The following OSBPL3 variants were observed in gnomAD, a reference collection of about 807,000 sequenced individuals.
OSBPL3 encodes oxysterol-binding protein-related protein 3.
In OSBPL3, 65 loss-of-function variants were observed where a neutral mutation model predicts 120.1. The observed-to-expected ratio is 0.54, with a 90% CI of 0.44 to 0.67. OSBPL3 has a LOEUF of 0.67. Among genes scored for constraint, OSBPL3 ranks in the 30% least tolerant of loss-of-function variants. The pLI, the probability that OSBPL3 is intolerant of heterozygous loss-of-function variation, is 0.00. For missense variants in OSBPL3, 1,004 were observed against 1,082.1 expected, an observed-to-expected ratio of 0.93 and a Z score of 1.01; for synonymous variants, 416 against 402.6, an observed-to-expected ratio of 1.03 and a Z score of -0.40.
At chr7:24,828,686 A>T (rs1439423396) in intron 16 of OSBPL3, among the ~76,000 whole-genome samples, 2 of 151,368 alleles carry the variant, frequency 1.3e-5, no homozygotes, top group Admixed American at 1.3e-4. Context: ...CATTTACTGA[A>T]TATTTCCATC....
chr7:24,944,307 G>C lies in OSBPL3; in HGVS notation c.-150+35579C>G, dbSNP rs192580019. 5.6e-3 allele frequency among the ~76,000 whole-genome samples: 845 copies of C among 152,232 alleles called. 7 individuals are homozygous for C. Among genetic ancestry groups the C allele is most frequent in the Non-Finnish European group, 7.2e-3 (487 of 68,004 alleles). On this transcript the variant is annotated intron_variant, in intron 1 of 22. Coordinates refer to ENST00000313367, the MANE Select transcript of OSBPL3 (RefSeq NM_015550.4). ...TGATCATTACTGGGACTAAGTTGGT[G>C]ATGTTAAGAAGAAACTCCAAGTGTT...
chr7:24,866,648 T>A (rs561797048), intron 5 of OSBPL3, among the ~76,000 whole-genome samples: 3 of 150,918 alleles, frequency 2.0e-5, no homozygotes, highest in South Asian at 4.2e-4. Context: ...CAAAAAAAAA[T>A]ACATAAATAA....
At chr7:24,915,362 T>A (rs1809393765) in intron 1 of OSBPL3, among the ~76,000 whole-genome samples, 1 of 152,180 alleles carries the variant, frequency 6.6e-6, no homozygotes, top group Non-Finnish European at 1.5e-5. Context: ...AATTCCCCCA[T>A]GGAAGGTGGG....
In OSBPL3 at chr7:24,912,014, G is replaced by A. The variant is rs1808892327; in HGVS notation, c.-149-19393C>T. ...CTCCAGTAGAGTGTATAGATCAAAA[G>A]CAATTTGAAGACTGTCTCATCCTTG... On this transcript the variant is annotated intron_variant, in intron 1 of 22. Transcript: ENST00000313367. This position sits in a 1 kb window ranked among gnomAD's most constrained non-coding sequence, Gnocchi z 4.5. Among the ~76,000 whole-genome samples the A allele has an allele frequency of 1.3e-5, 2 of 152,174 alleles. No individual in the cohort carries two copies. The highest frequency in any genetic ancestry group is 4.2e-4 in the South Asian group (2 of 4,816).
rs1314792228 is a variant in OSBPL3 at position 24,879,323 on chromosome 7, GA to G, written c.97-7255del. ...TTGGGATCTAAGTGAGAAGATTAAA[GA>G]AAACAGGAGACTGAGCAATGAAGCT... On this transcript the variant is annotated intron_variant, in intron 2 of 22. Transcript: ENST00000313367. The surrounding 1 kb of genome is among the most constrained non-coding windows in gnomAD (Gnocchi z 5.6). 6.6e-6 allele frequency among the ~76,000 whole-genome samples: 1 copy of G among 152,216 alleles called. No individual in the cohort carries two copies. The highest frequency in any genetic ancestry group is 1.5e-5 in the Non-Finnish European group (1 of 68,040).
chr7:24,954,039 C>T (rs1353505618), intron 1 of OSBPL3, among the ~76,000 whole-genome samples: 4 of 152,166 alleles, frequency 2.6e-5, no homozygotes, highest in Admixed American at 1.3e-4. Context: ...TGAAGCTCTT[C>T]ATCCAAGACC....
Position 24,873,586 on chromosome 7 carries a change from T to C in OSBPL3, c.97-1517A>G, listed in dbSNP as rs373731853. Among the ~76,000 whole-genome samples, 12 of 152,158 alleles carry C rather than the reference T, an allele frequency of 7.9e-5. No individual in the cohort carries two copies. The East Asian group carries it at 2.1e-3, about 27-fold the overall frequency. On this transcript the variant is annotated intron_variant, in intron 2 of 22. Coordinates refer to ENST00000313367, the MANE Select transcript of OSBPL3 (RefSeq NM_015550.4). This position sits in a 1 kb window ranked among gnomAD's most constrained non-coding sequence, Gnocchi z 4.1. Reference sequence around the variant, plus strand: ...TCGAAAAAAGATCCAGCTTTTAAATTAGAGGATTTTTTTTTTAAGGAAGGT... The same window carrying C: ...TCGAAAAAAGATCCAGCTTTTAAATCAGAGGATTTTTTTTTTAAGGAAGGT...
chr7:24,835,857 G>A lies in OSBPL3; in HGVS notation c.1496-1121C>T, dbSNP rs915740160. On this transcript the variant is annotated intron_variant, in intron 14 of 22. Transcript: ENST00000313367. This position sits in a 1 kb window ranked among gnomAD's most constrained non-coding sequence, Gnocchi z 4.8. ...TCTCACTTGTAAAGGGGTACTAAAC[G>A]TTAGTTCACATGAACATAAAGAAGG... 5.0e-4 allele frequency among the ~76,000 whole-genome samples: 76 copies of A among 152,182 alleles called. No homozygotes were observed. Among genetic ancestry groups the A allele is most frequent in the African/African-American group, 1.6e-3 (68 of 41,518 alleles).
At chr7:24,935,924 G>C (rs972321550) in intron 1 of OSBPL3, among the ~76,000 whole-genome samples, 1 of 151,816 alleles carries the variant, frequency 6.6e-6, no homozygotes, top group African/African-American at 2.4e-5. Context: ...GGGTACATGT[G>C]CACAATGTGC....
intron 2 of OSBPL3, among the ~76,000 whole-genome samples, chr7:24,878,245 C>T (rs1803116831): frequency 6.6e-6 from 1 of 152,186 alleles, no homozygotes; most frequent in South Asian, 2.1e-4. Context: ...ACTACCCTTG[C>T]AGTGATGTCA....
At chr7:24,858,091 G>T (rs1423578422) in intron 10 of OSBPL3, among the ~76,000 whole-genome samples, 3 of 152,118 alleles carry the variant, frequency 2.0e-5, no homozygotes, top group Non-Finnish European at 4.4e-5. Flanking sequence ...CCAACAACTG[G>T]TTCAACAATA....
At position 24,946,753 on chromosome 7, in the gene OSBPL3, C is replaced by G. The variant is rs1344088635; in HGVS notation, c.-150+33133G>C. On this transcript the variant is annotated intron_variant, in intron 1 of 22. Transcript: ENST00000313367. The surrounding 1 kb of genome is among the most constrained non-coding windows in gnomAD (Gnocchi z 4.3). ...GGCAAACATTTCTCCCTCCTCTGCTCACATCATTTTTTATCATATGCTTTG... is the reference window on the plus strand; with the variant it reads ...GGCAAACATTTCTCCCTCCTCTGCTGACATCATTTTTTATCATATGCTTTG... Among the ~76,000 whole-genome samples, 1 of 152,136 alleles carries G rather than the reference C, an allele frequency of 6.6e-6. No homozygotes were observed. Among genetic ancestry groups the G allele is most frequent in the African/African-American group, 2.4e-5 (1 of 41,422 alleles).
rs1307911347 is a variant in OSBPL3, at chr7:24,851,758, T to C, written c.1158+746A>G. On this transcript the variant is annotated intron_variant, in intron 11 of 22. Transcript: ENST00000313367. This position sits in a 1 kb window ranked among gnomAD's most constrained non-coding sequence, Gnocchi z 4.1. ...TAAAAAAAAAAAAACGAGATAACTT[T>C]ATTCAAATAGAGGTAGGACATGGCA... Among the ~76,000 whole-genome samples the C allele has an allele frequency of 1.3e-5, 2 of 152,206 alleles. No individual in the cohort carries two copies. Among genetic ancestry groups the C allele is most frequent in the African/African-American group, 4.8e-5 (2 of 41,454 alleles).
chr7:24,804,002 T>A lies in OSBPL3; in HGVS notation c.2567+313A>T, dbSNP rs10227466. On this transcript the variant is annotated intron_variant, in intron 22 of 22. Transcript: ENST00000313367. This position sits in a 1 kb window ranked among gnomAD's most constrained non-coding sequence, Gnocchi z 5.4. ...CTGTGGATTTAATAAGCTGGCCTGGTGCTGGGACCCAGTTCTGGCAGGCTC... is the reference window on the plus strand; with the variant it reads ...CTGTGGATTTAATAAGCTGGCCTGGAGCTGGGACCCAGTTCTGGCAGGCTC... Among the ~76,000 whole-genome samples, 2 of 151,888 alleles carry A rather than the reference T, an allele frequency of 1.3e-5. No individual in the cohort carries two copies. Among genetic ancestry groups the A allele is most frequent in the South Asian group, 4.2e-4 (2 of 4,808 alleles).
At position 24,863,633 on chromosome 7, in the gene OSBPL3, T is replaced by A; in HGVS notation, c.674-34A>T. The A allele has an allele frequency of 1.5e-6, 2 of 1,341,994 alleles. No homozygotes were observed. Among genetic ancestry groups the A allele is most frequent in the Non-Finnish European group, 2.1e-6 (2 of 932,070 alleles). The allele number at this position is 1,341,994 out of a possible 1,614,324, so 83.1% of individuals were successfully genotyped here. A position where few individuals can be genotyped will look rare whatever the true frequency, so the allele number is the denominator to read the frequency against. The stretch of plus-strand genomic sequence containing the variant: ...GAAAAGAGGACAGTGCTCACAATGC[T>A]CCACTAGCAAGAGGGATCACTGTGC... On this transcript the variant is annotated intron_variant, in intron 7 of 22. Coordinates refer to ENST00000313367, the MANE Select transcript of OSBPL3 (RefSeq NM_015550.4). The surrounding 1 kb of genome is among the most constrained non-coding windows in gnomAD (Gnocchi z 5.8).
intron 1 of OSBPL3, among the ~76,000 whole-genome samples, chr7:24,945,085 A>T (rs1320447340): frequency 6.6e-6 from 1 of 152,224 alleles, no homozygotes; most frequent in Non-Finnish European, 1.5e-5. Flanking sequence ...GGTGGAGTTT[A>T]CCACCTATAT....
intron 2 of OSBPL3, among the ~76,000 whole-genome samples, chr7:24,874,018 G>C (rs1433994264): frequency 6.6e-6 from 1 of 152,132 alleles, no homozygotes; most frequent in African/African-American, 2.4e-5. Flanking sequence ...GGGTATAAAG[G>C]GTCCGGAGTA....
chr7:24,871,784 A>G lies in OSBPL3; in HGVS notation c.225T>C (p.Tyr75=), dbSNP rs774914420. 3.1e-6 allele frequency: 5 copies of G among 1,612,562 alleles called. No individual in the cohort carries two copies. The highest frequency in any genetic ancestry group is 4.2e-6 in the Non-Finnish European group (5 of 1,178,654). The change falls in exon 4 of 23, where the codon TAT becomes TAC. Residue 75 remains tyrosine, a synonymous_variant. Transcript: ENST00000313367. The surrounding 1 kb of genome is among the most constrained non-coding windows in gnomAD (Gnocchi z 4.8). ...PLKGWHKRFF[Y]LDKGILKYAK... is the part of the protein sequence containing the mutation. ...CATATTTCAAGATTCCTTTGTCCAGATAGAAGAATCTCTGTGGGGAAGAAA... is the reference window on the plus strand; with the variant it reads ...CATATTTCAAGATTCCTTTGTCCAGGTAGAAGAATCTCTGTGGGGAAGAAA...
At position 24,896,910 on chromosome 7, in the gene OSBPL3, A is replaced by G. The variant is rs1272913924; in HGVS notation, c.-149-4289T>C. Among the ~76,000 whole-genome samples the G allele has an allele frequency of 6.6e-6, 1 of 152,122 alleles. No individual in the cohort carries two copies. Among genetic ancestry groups the G allele is most frequent in the African/African-American group, 2.4e-5 (1 of 41,408 alleles). On this transcript the variant is annotated intron_variant, in intron 1 of 22. Transcript: ENST00000313367. The surrounding 1 kb of genome is among the most constrained non-coding windows in gnomAD (Gnocchi z 4.4). Reference sequence around the variant, plus strand: ...AACATGGTAAAACCCCATCTCTACTAAAAATACCAAAATTAGCCGAGCATG... The same window carrying G: ...AACATGGTAAAACCCCATCTCTACTGAAAATACCAAAATTAGCCGAGCATG...
Sources: gnomAD v4.1 joint callset for allele counts (sites outside exome capture counted in the v4.1 genomes callset) on GRCh38, gnomAD v4.1.1 for gene constraint, Gnocchi (gnomAD v3.1) non-coding constraint, MANE v1.5 for transcripts, NCBI Gene and HGNC (gene_info 2026-07-23, HGNC 2026-07-21) for gene names.